RASEF: variants seen among roughly 807,000 people sequenced by gnomAD.
The protein encoded by RASEF is RAS and EF-hand domain containing, also known as ras and EF-hand domain-containing protein.
A neutral mutation model predicts 90.1 loss-of-function variants in RASEF; 68 were observed. The ratio of observed to expected loss-of-function variants is 0.75; its 90% CI spans 0.62 to 0.92. The LOEUF is 0.92. RASEF is among the 40% of genes least tolerant of loss of function. The pLI, the probability that RASEF is intolerant of heterozygous loss-of-function variation, is 0.00. For synonymous variants in RASEF, 331 were observed against 345.2 expected, an observed-to-expected ratio of 0.96 and a Z score of 0.46; for missense variants, 949 against 937.2, an observed-to-expected ratio of 1.01 and a Z score of -0.16.
At chr9:83,116,792 T>A in the RASEF span, among the ~76,000 whole-genome samples, 15 of 151,930 alleles carry the variant, frequency 9.9e-5, no homozygotes, top group Admixed American at 6.6e-4. Context: ...AAGATAAGGA[T>A]TTGGGGGAAA....
intron 1 of RASEF, among the ~76,000 whole-genome samples, chr9:83,030,183 C>T (rs1228541546): frequency 6.6e-6 from 1 of 152,046 alleles, no homozygotes; most frequent in Non-Finnish European, 1.5e-5. Context: ...ATGGTGAAAC[C>T]CTATCTCTAC....
the RASEF span, among the ~76,000 whole-genome samples, chr9:83,144,900 C>T: frequency 6.6e-6 from 1 of 152,030 alleles, no homozygotes; most frequent in Non-Finnish European, 1.5e-5. Flanking sequence ...CTTTAATAAG[C>T]CAAATACTGT....
the RASEF span, among the ~76,000 whole-genome samples, chr9:83,105,666 T>C: frequency 5.9e-5 from 9 of 152,358 alleles, no homozygotes; most frequent in Admixed American, 3.9e-4. Context: ...TATGGGATCA[T>C]GTGCTTGAAA....
At chr9:83,184,264 T>C in the RASEF span, among the ~76,000 whole-genome samples, 3 of 152,038 alleles carry the variant, frequency 2.0e-5, no homozygotes, top group African/African-American at 7.3e-5. Context: ...CTGGTAAAGA[T>C]AGGGGAAACG....
the RASEF span, among the ~76,000 whole-genome samples, chr9:83,173,138 T>C: frequency 6.6e-6 from 1 of 151,982 alleles, no homozygotes; most frequent in Non-Finnish European, 1.5e-5. Flanking sequence ...CCTTTATATG[T>C]TATTTGCTTC....
rs866499078 is a variant in RASEF at position 83,062,339 on chromosome 9, A to G, written c.431+98T>C. 3.3e-3 allele frequency: 3,484 copies of G among 1,059,534 alleles called. 41 individuals carry two copies. The African/African-American group carries it at 0.04, about 12-fold the overall frequency. The allele number at this position is 1,059,534 out of a possible 1,614,324, so 65.6% of individuals were successfully genotyped here. A position where few individuals can be genotyped will look rare whatever the true frequency, so the allele number is the denominator to read the frequency against. ...AGACAAGCAACTCACAGAGAAGACT[A>G]GGGGGGGGGGCCATTGGGTCTGCAC... On this transcript the variant is annotated intron_variant, in intron 1 of 16. Coordinates refer to ENST00000376447, the MANE Select transcript of RASEF (RefSeq NM_152573.4).
the RASEF span, among the ~76,000 whole-genome samples, chr9:83,190,781 G>T: frequency 1.4e-4 from 22 of 152,238 alleles, no homozygotes; most frequent in African/African-American, 5.3e-4. Flanking sequence ...CTCTGCTGAA[G>T]CAATGACTGG....
the RASEF span, among the ~76,000 whole-genome samples, chr9:83,181,880 C>T: frequency 6.6e-6 from 1 of 152,162 alleles, no homozygotes; most frequent in South Asian, 2.1e-4. Flanking sequence ...CTTTCTTACA[C>T]ACTTTGGTAA....
chr9:82,985,451 G>A (rs1383289636), intron 16 of RASEF, among the ~76,000 whole-genome samples: 2 of 152,172 alleles, frequency 1.3e-5, no homozygotes, highest in African/African-American at 4.8e-5. Context: ...AATTCTGAGA[G>A]ATACAATTCA....
the RASEF span, among the ~76,000 whole-genome samples, chr9:83,193,191 C>A: frequency 2.6e-5 from 4 of 152,204 alleles, no homozygotes; most frequent in Non-Finnish European, 4.4e-5. Flanking sequence ...GCTGTAGTGC[C>A]AGGTCCCTGC....
the RASEF span, among the ~76,000 whole-genome samples, chr9:83,148,731 A>G: frequency 6.6e-6 from 1 of 152,178 alleles, no homozygotes. Flanking sequence ...TATCGTGTTA[A>G]TTTTTTAAGC....
chr9:83,009,045 C>G (rs1587491069), intron 6 of RASEF, among the ~76,000 whole-genome samples: 1 of 149,554 alleles, frequency 6.7e-6, no homozygotes, highest in Admixed American at 6.7e-5. Flanking sequence ...TCACTGTTTT[C>G]TCTTGTAAGA....
the RASEF span, among the ~76,000 whole-genome samples, chr9:83,200,195 A>G: frequency 3.3e-5 from 5 of 152,102 alleles, no homozygotes; most frequent in East Asian, 7.7e-4. Context: ...CAGGAGTTTG[A>G]GGCCAGGCTG....
At chr9:83,057,568 C>T (rs532715769) in intron 1 of RASEF, among the ~76,000 whole-genome samples, 26 of 152,136 alleles carry the variant, frequency 1.7e-4, no homozygotes, top group East Asian at 1.2e-3. Flanking sequence ...GTTAGGATCC[C>T]GGTTCAGAAT....
the RASEF span, among the ~76,000 whole-genome samples, chr9:83,185,392 G>A: frequency 6.7e-6 from 1 of 148,514 alleles, no homozygotes; most frequent in African/African-American, 2.5e-5. Context: ...ACCCTACGGT[G>A]CTCAGGCTGG....
At chr9:83,175,744 C>A in the RASEF span, among the ~76,000 whole-genome samples, 1 of 152,054 alleles carries the variant, frequency 6.6e-6, no homozygotes, top group African/African-American at 2.4e-5. Context: ...CCATGCCCGG[C>A]TAATTTTTTG....
At chr9:83,143,290 A>G in the RASEF span, among the ~76,000 whole-genome samples, 2,920 of 152,306 alleles carry the variant, frequency 0.019, 92 homozygotes, top group African/African-American at 0.066. Flanking sequence ...CAGTAAACAG[A>G]CAACCTACAG....
At chr9:83,208,329 C>G in the RASEF span, among the ~76,000 whole-genome samples, 1 of 152,154 alleles carries the variant, frequency 6.6e-6, no homozygotes, top group Admixed American at 6.5e-5. Flanking sequence ...TAAGAAAATT[C>G]CTGGAAACTC....
intron 1 of RASEF, among the ~76,000 whole-genome samples, chr9:83,035,428 G>A (rs73651023): frequency 2.6e-5 from 4 of 152,144 alleles, no homozygotes; most frequent in African/African-American, 9.7e-5. Flanking sequence ...GGGCAATGCA[G>A]ACCTCACCCT....
Sources: gnomAD v4.1 joint callset for allele counts (sites outside exome capture counted in the v4.1 genomes callset) on GRCh38, gnomAD v4.1.1 for gene constraint, MANE v1.5 for transcripts, NCBI Gene and HGNC (gene_info 2026-07-23, HGNC 2026-07-21) for gene names.